SLC27A6: variants seen among roughly 807,000 people sequenced by gnomAD.
SLC27A6 encodes the protein long-chain fatty acid transport protein 6.
Under a neutral mutation model 63.9 loss-of-function variants are expected in SLC27A6, and 74 were observed. The ratio of observed to expected loss-of-function variants is 1.16; its 90% CI spans 0.96 to 1.40. The LOEUF is 1.40. SLC27A6 is among the 40% of genes most tolerant of loss of function. The probability of loss-of-function intolerance (pLI) is 0.00; values close to 1 mark genes in which losing one functional copy is unlikely to be tolerated. For synonymous variants in SLC27A6, 287 were observed against 260.8 expected (o/e 1.10, Z -0.97); for missense variants, 794 against 732.9 (o/e 1.08, Z -0.96).
At chr5:128,976,038 A>G (rs559991978) in intron 1 of SLC27A6, among the ~76,000 whole-genome samples, 26 of 152,274 alleles carry the variant, frequency 1.7e-4, no homozygotes, top group Admixed American at 9.2e-4. Context: ...CTAGGAATGA[A>G]AAAGAAAAAA....
intron 5 of SLC27A6, among the ~76,000 whole-genome samples, chr5:129,019,390 G>GA (rs1485890371): frequency 2.0e-5 from 3 of 148,876 alleles, no homozygotes; most frequent in East Asian, 3.9e-4. Context: ...AAAGGCAGCT[G>GA]AAAAAAATGA....
intron 4 of SLC27A6, among the ~76,000 whole-genome samples, chr5:129,000,040 T>A (rs903948416): frequency 6.6e-6 from 1 of 152,190 alleles, no homozygotes; most frequent in African/African-American, 2.4e-5. Flanking sequence ...CATTTAGGCC[T>A]GTATATGTTG....
intron 1 of SLC27A6, among the ~76,000 whole-genome samples, chr5:128,973,938 T>C (rs138509723): frequency 3.0e-3 from 452 of 152,358 alleles, no homozygotes; most frequent in Non-Finnish European, 5.5e-3. Context: ...TTCTGAGCAC[T>C]CATTTTAATC....
At chr5:129,006,300 C>T (rs1751533498) in intron 4 of SLC27A6, among the ~76,000 whole-genome samples, 1 of 151,808 alleles carries the variant, frequency 6.6e-6, no homozygotes, top group Non-Finnish European at 1.5e-5. Flanking sequence ...CCGTGTTAGC[C>T]AGGATGGTCT....
intron 1 of SLC27A6, among the ~76,000 whole-genome samples, chr5:128,970,482 C>A (rs36149993): frequency 0.24 from 36,395 of 151,778 alleles, 4,847 homozygotes; most frequent in Middle Eastern, 0.31. Flanking sequence ...CTGGTTTAGT[C>A]TTGTGACGGT....
chr5:128,988,758 G>C lies in SLC27A6; in HGVS notation c.844G>C (p.Gly282Arg). 1 of 1,596,816 alleles carries C rather than the reference G, an allele frequency of 6.3e-7. No homozygotes were observed. Among genetic ancestry groups the C allele is most frequent in the Non-Finnish European group, 8.5e-7 (1 of 1,174,592 alleles). ...ILGISGCVELGATCVLKKKFS... is the reference protein window; with the variant it reads ...ILGISGCVELRATCVLKKKFS... ...GGGAATTTCTGGATGTGTTGAGTTG[G>C]GTAAGGCTTTATTTTCTTTTTGATA... Residue 282 changes from glycine (G) to arginine (R), a missense_variant and splice_region_variant, in exon 3 of 10, where the codon GGT becomes CGT. Gly to Arg is a moderately radical substitution (Grantham distance 125). Transcript: ENST00000262462.
chr5:128,985,110 C>T (rs1580711298), intron 1 of SLC27A6, 23 bp from the exon 2 acceptor site: 1 of 1,587,864 alleles, frequency 6.3e-7, no homozygotes, highest in East Asian at 2.2e-5. Context: ...TTGCTTAACT[C>T]TTCCCAACCC....
chr5:129,016,395 C>CAA (rs759333355), intron 5 of SLC27A6, among the ~76,000 whole-genome samples: 4,511 of 63,924 alleles, frequency 0.071, 331 homozygotes, highest in African/African-American at 0.14. Context: ...GACTCTGTCT[C>CAA]AAAAAAAAAA....
chr5:128,976,229 G>A (rs1333947474), intron 1 of SLC27A6, among the ~76,000 whole-genome samples: 1 of 152,074 alleles, frequency 6.6e-6, no homozygotes, highest in Non-Finnish European at 1.5e-5. Flanking sequence ...CTTAAAGGGG[G>A]CCAGCGCGGT....
At chr5:128,975,009 G>A (rs1296197759) in intron 1 of SLC27A6, among the ~76,000 whole-genome samples, 1 of 152,158 alleles carries the variant, frequency 6.6e-6, no homozygotes. Context: ...ATGTTAGCTA[G>A]TATATACAGT....
rs938189793 is a variant in SLC27A6, at chr5:128,975,798, G to T, written c.481+9180G>T. The stretch of plus-strand genomic sequence containing the variant: ...CATATCCTTTCTTTACATTATTTTT[G>T]CTCCTGACAGTATTCAAGCATCATT... On this transcript the variant is annotated intron_variant, in intron 1 of 9. Transcript: ENST00000262462. Among the ~76,000 whole-genome samples, 2 of 152,086 alleles carry T rather than the reference G, an allele frequency of 1.3e-5. 1 individual carries two copies. The highest frequency in any genetic ancestry group is 6.8e-3 in the Middle Eastern group (2 of 294).
intron 4 of SLC27A6, among the ~76,000 whole-genome samples, chr5:129,002,533 C>G (rs1412491921): frequency 6.6e-6 from 1 of 151,784 alleles, no homozygotes; most frequent in African/African-American, 2.4e-5. Context: ...TCTCTCCCAC[C>G]CTCCCTCACT....
At chr5:129,002,383 G>C (rs925917407) in intron 4 of SLC27A6, among the ~76,000 whole-genome samples, 1 of 152,100 alleles carries the variant, frequency 6.6e-6, no homozygotes, top group East Asian at 1.9e-4. Flanking sequence ...GAACAGGATC[G>C]GTAAATAGAG....
At chr5:129,009,110 G>T (rs143298259) in intron 4 of SLC27A6, among the ~76,000 whole-genome samples, 1 of 151,954 alleles carries the variant, frequency 6.6e-6, no homozygotes, top group Non-Finnish European at 1.5e-5. Context: ...CAGGTCATCC[G>T]CCTGCCTTGG....
At chr5:128,969,735 C>G (rs1750064195) in intron 1 of SLC27A6, among the ~76,000 whole-genome samples, 2 of 152,180 alleles carry the variant, frequency 1.3e-5, no homozygotes, top group African/African-American at 2.4e-5. Flanking sequence ...TTCCTCTTTT[C>G]CTAATTGAAT....
At chr5:129,028,499 C>G in intron 8 of SLC27A6, 57 bp downstream of exon 8, 2 of 1,021,152 alleles carry the variant, frequency 2.0e-6, no homozygotes, top group Non-Finnish European at 3.0e-6. Context: ...CCACTATTCT[C>G]TAGTTTTGCA....
At chr5:129,014,265 T>G (rs1003177458) in intron 4 of SLC27A6, among the ~76,000 whole-genome samples, 11 of 152,252 alleles carry the variant, frequency 7.2e-5, no homozygotes, top group African/African-American at 2.6e-4. Flanking sequence ...TCGGGACACA[T>G]AGACCAGCGT....
At chr5:129,019,767 A>G (rs944141598) in intron 5 of SLC27A6, among the ~76,000 whole-genome samples, 3 of 152,148 alleles carry the variant, frequency 2.0e-5, no homozygotes, top group African/African-American at 7.2e-5. Flanking sequence ...AGTGGAATTA[A>G]GGAGTCCCAC....
intron 4 of SLC27A6, among the ~76,000 whole-genome samples, chr5:128,994,604 C>T (rs1160640686): frequency 1.3e-5 from 2 of 152,126 alleles, no homozygotes; most frequent in Non-Finnish European, 2.9e-5. Context: ...AGGTCCTTAC[C>T]TTCAAAGAAT....
Sources: gnomAD v4.1 joint callset for allele counts (sites outside exome capture counted in the v4.1 genomes callset) on GRCh38, gnomAD v4.1.1 for gene constraint, MANE v1.5 for transcripts, NCBI Gene and HGNC (gene_info 2026-07-23, HGNC 2026-07-21) for gene names.